Variants in THSD7B observed in about 807,000 individuals in gnomAD.
THSD7B encodes thrombospondin type 1 domain containing 7B, also known as thrombospondin type-1 domain-containing protein 7B.
In THSD7B, 138 loss-of-function variants were observed where a neutral mutation model predicts 213.6. The observed-to-expected ratio is 0.65, with a 90% CI of 0.56 to 0.74. THSD7B has a LOEUF of 0.74. Ranked by LOEUF, THSD7B falls within the 30% of genes least tolerant of loss-of-function variation. The probability of loss-of-function intolerance (pLI) is 0.00; values close to 1 mark genes in which losing one functional copy is unlikely to be tolerated. For missense variants in THSD7B, 1,931 were observed against 1,991.5 expected (o/e 0.97, Z 0.58); for synonymous variants, 742 against 687.0 (o/e 1.08, Z -1.25).
At chr2:137,635,674 A>C (rs772556812) in intron 20 of THSD7B, among the ~76,000 whole-genome samples, 2 of 152,172 alleles carry the variant, frequency 1.3e-5, no homozygotes, top group Non-Finnish European at 2.9e-5. Context: ...ATGTTTAAGA[A>C]GAGAAAAATA....
chr2:137,071,039 T>A (rs1224482817), intron 3 of THSD7B, among the ~76,000 whole-genome samples: 1 of 152,200 alleles, frequency 6.6e-6, no homozygotes, highest in Non-Finnish European at 1.5e-5. Flanking sequence ...GCATGTGTCT[T>A]TATAGCAGCA....
At chr2:137,449,986 T>C (rs1282601465) in intron 14 of THSD7B, among the ~76,000 whole-genome samples, 1 of 152,118 alleles carries the variant, frequency 6.6e-6, no homozygotes, top group Non-Finnish European at 1.5e-5. Flanking sequence ...AGGAATCAGA[T>C]GATGTTGCAG....
intron 5 of THSD7B, among the ~76,000 whole-genome samples, chr2:137,157,614 A>T (rs554422833): frequency 5.8e-4 from 88 of 152,276 alleles, no homozygotes; most frequent in African/African-American, 2.1e-3. Context: ...AATGACAAAT[A>T]CCGAGGTCAT....
chr2:137,368,963 A>T (rs977367064), intron 12 of THSD7B, among the ~76,000 whole-genome samples: 4 of 152,048 alleles, frequency 2.6e-5, no homozygotes, highest in Non-Finnish European at 4.4e-5. Flanking sequence ...CAACTTTTCT[A>T]AGTAGTCAGA....
intron 3 of THSD7B, among the ~76,000 whole-genome samples, chr2:137,068,528 C>A (rs1426606821): frequency 6.6e-6 from 1 of 152,068 alleles, no homozygotes; most frequent in African/African-American, 2.4e-5. Context: ...ACTTGATGAA[C>A]TATGTTGGCA....
At chr2:137,536,660 T>G (rs1343167725) in intron 15 of THSD7B, among the ~76,000 whole-genome samples, 1 of 151,346 alleles carries the variant, frequency 6.6e-6, no homozygotes, top group Non-Finnish European at 1.5e-5. Context: ...GACTAAGTAA[T>G]TATAATAACA....
intron 2 of THSD7B, among the ~76,000 whole-genome samples, chr2:136,973,212 G>A (rs966965847): frequency 3.9e-5 from 6 of 152,054 alleles, no homozygotes; most frequent in Non-Finnish European, 7.4e-5. Context: ...CTTTCCTCTA[G>A]AGGAGTAAAA....
chr2:136,766,415 G>T (rs578160093), intron 1 of THSD7B, among the ~76,000 whole-genome samples: 29 of 152,134 alleles, frequency 1.9e-4, no homozygotes, highest in African/African-American at 6.3e-4. Flanking sequence ...GGGCAGGGAG[G>T]GGGGGACAGG....
In THSD7B at chr2:137,560,533, G is replaced by A. The variant is rs978369293; in HGVS notation, c.3139-2688G>A. Among the ~76,000 whole-genome samples, 7 of 152,010 alleles carry A rather than the reference G, an allele frequency of 4.6e-5. No homozygotes were observed. The East Asian group carries it at 1.2e-3, about 25-fold the overall frequency. On this transcript the variant is annotated intron_variant, in intron 15 of 27. Coordinates refer to ENST00000409968, the MANE Select transcript of THSD7B (RefSeq NM_001316349.2). ...ACAATGAGAACACATGGACACAGGA[G>A]GGGGAACATCACACACCGGGGCCTG...
chr2:137,591,229 A>C (rs1681858758), intron 17 of THSD7B, among the ~76,000 whole-genome samples: 1 of 151,702 alleles, frequency 6.6e-6, no homozygotes. Context: ...TAAGGTATAC[A>C]TTTTTTCCAA....
chr2:137,009,923 A>T (rs1397899928), intron 2 of THSD7B, among the ~76,000 whole-genome samples: 2 of 152,230 alleles, frequency 1.3e-5, no homozygotes, highest in Non-Finnish European at 2.9e-5. Context: ...TTTCCTTAAG[A>T]TATACATGCA....
At chr2:137,555,696 T>A (rs1680947201) in intron 15 of THSD7B, among the ~76,000 whole-genome samples, 1 of 152,042 alleles carries the variant, frequency 6.6e-6, no homozygotes, top group Non-Finnish European at 1.5e-5. Flanking sequence ...GGACAGAGAA[T>A]GACCTTAATG....
At chr2:137,174,515 A>T (rs775183584) in intron 7 of THSD7B, among the ~76,000 whole-genome samples, 3 of 152,208 alleles carry the variant, frequency 2.0e-5, no homozygotes, top group African/African-American at 4.8e-5. Context: ...ACTTTGGGTT[A>T]TCTTAGATTT....
chr2:137,508,429 T>C (rs770457972), intron 15 of THSD7B, among the ~76,000 whole-genome samples: 4 of 143,944 alleles, frequency 2.8e-5, no homozygotes, highest in Non-Finnish European at 6.0e-5. Flanking sequence ...CAGGCTGGAG[T>C]GCAGTGGCGG....
chr2:137,655,711 AT>A, intron 22 of THSD7B, 51 bp downstream of exon 22: 2 of 1,558,380 alleles, frequency 1.3e-6, no homozygotes, highest in Non-Finnish European at 1.7e-6. Flanking sequence ...CTTTTTGTTT[AT>A]TTTACTACTG....
intron 12 of THSD7B, among the ~76,000 whole-genome samples, chr2:137,375,596 A>G (rs867262266): frequency 2.0e-5 from 3 of 152,336 alleles, no homozygotes; most frequent in Middle Eastern, 3.4e-3. Context: ...TATATATAGT[A>G]TATAAGGACT....
At chr2:137,144,801 G>A (rs1679662050) in intron 5 of THSD7B, among the ~76,000 whole-genome samples, 1 of 151,512 alleles carries the variant, frequency 6.6e-6, no homozygotes, top group Non-Finnish European at 1.5e-5. Context: ...AGTATTGGAG[G>A]GATTGGGATA....
At chr2:137,538,622 A>AG in intron 15 of THSD7B, 1 of 378,760 alleles carries the variant, frequency 2.6e-6, no homozygotes, top group Non-Finnish European at 5.1e-6. Context: ...CACATATGAC[A>AG]GAAAAAAATT....
At chr2:137,058,940 T>C (rs1331014679) in intron 3 of THSD7B, among the ~76,000 whole-genome samples, 1 of 152,184 alleles carries the variant, frequency 6.6e-6, no homozygotes, top group Non-Finnish European at 1.5e-5. Context: ...CTGTTGTTTT[T>C]TAAGCCATCC....
Sources: allele counts gnomAD v4.1 joint callset (sites outside exome capture counted in the v4.1 genomes callset), GRCh38; gene constraint gnomAD v4.1.1; transcripts MANE v1.5; gene names NCBI Gene and HGNC (gene_info 2026-07-23, HGNC 2026-07-21).